The following INKA2 variants were observed in gnomAD, a reference collection of about 807,000 sequenced individuals.
INKA2 encodes inka box actin regulator 2.
INKA2 carries 3 observed loss-of-function variants against 9.8 expected under a neutral mutation model. That is an observed-to-expected ratio of 0.31 (90% CI 0.14 to 0.79). The LOEUF is 0.79. INKA2 is among the 30% of genes least tolerant of loss of function. The pLI, the probability that INKA2 is intolerant of heterozygous loss-of-function variation, is 0.62. For missense variants in INKA2, 392 were observed against 384.4 expected (o/e 1.02, Z -0.17); for synonymous variants, 147 against 143.3 (o/e 1.03, Z -0.18).
intron 1 of INKA2, among the ~76,000 whole-genome samples, chr1:111,738,077 C>T (rs1663044590): frequency 6.6e-6 from 1 of 152,154 alleles, no homozygotes; most frequent in African/African-American, 2.4e-5. Context: ...CCTGAGTGCC[C>T]CTGGCTCTGT....
upstream of INKA2, chr1:111,739,514 G>C: frequency 1.7e-6 from 2 of 1,145,062 alleles, no homozygotes; most frequent in Non-Finnish European, 2.3e-6. Flanking sequence ...GGGAGGCCGG[G>C]CTGGGCGGCC....
At position 111,728,394 on chromosome 1, in the gene INKA2, A is replaced by G. The variant is rs556845080; in HGVS notation, c.58-590T>C. On this transcript the variant is annotated intron_variant, in intron 1 of 1. Transcript: ENST00000357260. ...GAGGTTGCTATTTTCTCATTTTAAC[A>G]AACGAGTAAGCTGGAAGGGGTGAAG... 8.7e-4 allele frequency among the ~76,000 whole-genome samples: 133 copies of G among 152,288 alleles called. No homozygotes were observed. The Middle Eastern group carries it at 0.01, about 12-fold the overall frequency.
upstream of INKA2, among the ~76,000 whole-genome samples, chr1:111,744,106 T>C (rs139390529): frequency 2.2e-3 from 341 of 152,280 alleles, 1 homozygote; most frequent in African/African-American, 7.5e-3. Context: ...ATCCAACTCC[T>C]AGCTTTCATG....
Position 111,744,875 on chromosome 1 carries a change from C to T in INKA2, n.124+10826G>A, listed in dbSNP as rs376979013. Among the ~76,000 whole-genome samples, 15 of 152,236 alleles carry T rather than the reference C, an allele frequency of 9.9e-5. No homozygotes were observed. The East Asian group carries it at 2.3e-3, about 24-fold the overall frequency. ...CTAACTTAGACCACCACTCTCACAA[C>T]CTTTACTTCTTTATAAAGTCACTGG... is the stretch of plus-strand genomic sequence containing the variant. On this transcript the variant is annotated intron_variant and non_coding_transcript_variant, in intron 1 of 1. Transcript: ENST00000444059.
intron 1 of INKA2, among the ~76,000 whole-genome samples, chr1:111,749,681 T>C (rs197379): frequency 0.48 from 72,521 of 151,878 alleles, 18,691 homozygotes; most frequent in African/African-American, 0.69. Context: ...CTCCTTTGTG[T>C]CACATTCTTC....
intron 1 of INKA2, chr1:111,745,196 A>G (rs1319498288): frequency 1.4e-5 from 2 of 143,084 alleles, no homozygotes; most frequent in Non-Finnish European, 3.0e-5. Flanking sequence ...AAGTATTTCC[A>G]TTTTGCAAAC....
In INKA2 at chr1:111,727,240, C is replaced by CT; in HGVS notation, c.621dup (p.Ala208SerfsTer5). 6.2e-7 allele frequency: 1 copy of CT among 1,614,182 alleles called. No homozygotes were observed. The highest frequency in any genetic ancestry group is 8.5e-7 in the Non-Finnish European group (1 of 1,180,014). ...CGCAAGAACTTCTTAAAGATGTTTG[C>CT]TGTCAGGGCGAACCTGCGGCCCAGC... On this transcript the variant is annotated frameshift_variant, in exon 2 of 2. Coordinates refer to ENST00000357260, the MANE Select transcript of INKA2 (RefSeq NM_019099.5). LOFTEE classifies it high-confidence loss of function.
In INKA2 at chr1:111,726,291, G is replaced by GA. The variant is rs1313100988; in HGVS notation, c.*676dup. The GA allele has an allele frequency of 2.6e-6, 1 of 380,154 alleles. No individual in the cohort carries two copies. 23.5% of individuals were successfully genotyped at this position (380,154 alleles called of 1,614,324 possible). ...CAACATCCTTCCCCTGTGCATGGGG[G>GA]AGACGCGGGGAGTGTCTAGGGCTTC... On this transcript the variant is annotated 3_prime_UTR_variant, in exon 2 of 2. Transcript: ENST00000357260.
chr1:111,727,303 C>G lies in INKA2; in HGVS notation c.559G>C (p.Ala187Pro). 1 of 1,613,936 alleles carries G rather than the reference C, an allele frequency of 6.2e-7. No homozygotes were observed. Residue 187 changes from alanine to proline, a missense_variant, in exon 2 of 2, where the codon GCA (alanine) becomes CCA (proline). Ala to Pro is a conservative substitution (Grantham distance 27). Transcript: ENST00000357260. ...KGGEKGETGG[A>P]REPKGEKGQP... The stretch of plus-strand genomic sequence containing the variant: ...CCTTTCTCTCCTTTGGGTTCACGTG[C>G]CCCCCCAGTCTCACCCTTCTCCCCA...
At position 111,739,316 on chromosome 1, in the gene INKA2, CG is replaced by C. The variant is rs1481672843; in HGVS notation, c.-75del. The C allele has an allele frequency of 6.3e-7, 1 of 1,593,596 alleles. No homozygotes were observed. The highest frequency in any genetic ancestry group is 8.5e-7 in the Non-Finnish European group (1 of 1,170,224). On this transcript the variant is annotated 5_prime_UTR_variant, in exon 1 of 2. Transcript: ENST00000357260. ...CCCGGCCCCACTGGAAACTGCGCTC[CG>C]GGCCGGCTCCCCGCCCCTGCGCCCG...
rs547303056 is a variant in INKA2, at chr1:111,748,559, C to T, written n.124+7142G>A. On this transcript the variant is annotated intron_variant and non_coding_transcript_variant, in intron 1 of 1. Coordinates refer to the INKA2 transcript ENST00000444059. ...TGCTCAGACAGGTACTTAAGCATCT[C>T]ACATCCATAAATCTCACCTCCTATC... 3.9e-5 allele frequency among the ~76,000 whole-genome samples: 6 copies of T among 152,304 alleles called. No homozygotes were observed. The East Asian group carries it at 9.7e-4, about 25-fold the overall frequency.
upstream of INKA2, among the ~76,000 whole-genome samples, chr1:111,740,960 G>C: frequency 2.7e-5 from 2 of 73,412 alleles, 1 homozygote; most frequent in Non-Finnish European, 5.1e-5. Flanking sequence ...CAACAAGAGA[G>C]AAACTCCGTT....
intron 1 of INKA2, chr1:111,754,098 G>A (rs1234870566): frequency 2.6e-5 from 4 of 152,194 alleles, no homozygotes; most frequent in African/African-American, 7.2e-5. Flanking sequence ...CAGATTCTAC[G>A]GAGACTGAAG....
rs1354852881 is a variant in INKA2 at position 111,726,029 on chromosome 1, G to A, written c.*939C>T. The stretch of plus-strand genomic sequence containing the variant: ...TGGGATTACAGGCGTGAGCCACAGC[G>A]CCCAGCCTGCGGGGTGCTAAGAACT... On this transcript the variant is annotated 3_prime_UTR_variant, in exon 2 of 2. Coordinates refer to ENST00000357260, the MANE Select transcript of INKA2 (RefSeq NM_019099.5). 1.0e-5 allele frequency: 4 copies of A among 398,524 alleles called. No individual in the cohort carries two copies. Among genetic ancestry groups the A allele is most frequent in the Middle Eastern group, 6.2e-4 (1 of 1,608 alleles). 24.7% of individuals were successfully genotyped at this position (398,524 alleles called of 1,614,324 possible).
chr1:111,732,433 G>A (rs893149427), intron 1 of INKA2, among the ~76,000 whole-genome samples: 1 of 152,086 alleles, frequency 6.6e-6, no homozygotes, highest in Non-Finnish European at 1.5e-5. Flanking sequence ...TACTGTCTTG[G>A]AGCCTCAGGT....
chr1:111,728,903 CTT>C (rs34918562), intron 1 of INKA2, among the ~76,000 whole-genome samples: 6 of 115,538 alleles, frequency 5.2e-5, no homozygotes, highest in Admixed American at 9.8e-5. Context: ...TGGAGCTAGG[CTT>C]TTTTTTTTTT....
chr1:111,755,667 C>T (rs755566580), intron 1 of INKA2: 38 of 1,612,342 alleles, frequency 2.4e-5, no homozygotes, highest in Middle Eastern at 1.7e-4. Flanking sequence ...CGCAGGCCCG[C>T]GGCGCCCTCT....
At chr1:111,733,926 C>T (rs1662960922) in intron 1 of INKA2, among the ~76,000 whole-genome samples, 1 of 152,170 alleles carries the variant, frequency 6.6e-6, no homozygotes. Flanking sequence ...GGCTGTGTGC[C>T]CTGCCTCACT....
chr1:111,729,245 G>C (rs912880979), intron 1 of INKA2, among the ~76,000 whole-genome samples: 1 of 152,166 alleles, frequency 6.6e-6, no homozygotes, highest in Non-Finnish European at 1.5e-5. Flanking sequence ...AGGAGGCCAG[G>C]AAACTCCTGT....
Sources: allele counts gnomAD v4.1 joint callset (sites outside exome capture counted in the v4.1 genomes callset), GRCh38; gene constraint gnomAD v4.1.1; transcripts MANE v1.5; gene names NCBI Gene and HGNC (gene_info 2026-07-23, HGNC 2026-07-21).